Variants in CAMK1D observed in about 807,000 individuals in gnomAD.
The protein encoded by CAMK1D is calcium/calmodulin dependent protein kinase ID, also known as calcium/calmodulin-dependent protein kinase type 1D.
CAMK1D carries 9 observed loss-of-function variants against 47.7 expected under a neutral mutation model. The observed-to-expected ratio is 0.19, with a 90% CI of 0.11 to 0.33. The LOEUF (loss-of-function observed/expected upper bound fraction) is 0.33. Ranked by LOEUF, CAMK1D falls within the 10% of genes least tolerant of loss-of-function variation. The probability of loss-of-function intolerance (pLI) is 1.00; values close to 1 mark genes in which losing one functional copy is unlikely to be tolerated. For synonymous variants in CAMK1D, 184 were observed against 184.9 expected (o/e 0.99, Z 0.04); for missense variants, 291 against 488.7 (o/e 0.60, Z 3.81).
intron 3 of CAMK1D, among the ~76,000 whole-genome samples, chr10:12,667,338 C>G (rs1840466174): frequency 6.6e-6 from 1 of 152,222 alleles, no homozygotes; most frequent in African/African-American, 2.4e-5. Context: ...TAATTGGTGT[C>G]AGACCATGAC....
chr10:12,799,188 G>A (rs570921423), intron 6 of CAMK1D, among the ~76,000 whole-genome samples: 2 of 152,196 alleles, frequency 1.3e-5, no homozygotes, highest in Non-Finnish European at 2.9e-5. Flanking sequence ...TGTGGTGCAC[G>A]GTGCCACCTT....
chr10:12,396,989 T>C (rs896443071), intron 1 of CAMK1D, among the ~76,000 whole-genome samples: 2 of 152,244 alleles, frequency 1.3e-5, no homozygotes, highest in African/African-American at 2.4e-5. Flanking sequence ...TCATCTCGAC[T>C]GGGCCCTGTC....
Position 12,378,532 on chromosome 10 carries a change from GC to G in CAMK1D, c.92+28626del, listed in dbSNP as rs1324425699. The stretch of plus-strand genomic sequence containing the variant: ...TTATAGGTACGAACCACTGTGACTG[GC>G]CCCTTAGTATTTTTTTTTTTTTTGA... On this transcript the variant is annotated intron_variant, in intron 1 of 10. Coordinates refer to ENST00000619168, the MANE Select transcript of CAMK1D (RefSeq NM_153498.4). Among the ~76,000 whole-genome samples the G allele has an allele frequency of 7.5e-5, 10 of 133,958 alleles. No individual in the cohort carries two copies. The Admixed American group carries it at 7.8e-4, about 11-fold the overall frequency. The allele number at this position is 133,958 out of a possible 152,430, so 87.9% of individuals were successfully genotyped here. A position where few individuals can be genotyped will look rare whatever the true frequency, so the allele number is the denominator to read the frequency against.
chr10:12,547,799 T>G (rs1836442938), intron 1 of CAMK1D, among the ~76,000 whole-genome samples: 1 of 152,216 alleles, frequency 6.6e-6, no homozygotes, highest in Non-Finnish European at 1.5e-5. Flanking sequence ...AGGGGAAGTG[T>G]CTTCAAGTGA....
chr10:12,693,811 A>C (rs1420858734), intron 3 of CAMK1D, among the ~76,000 whole-genome samples: 11 of 145,368 alleles, frequency 7.6e-5, no homozygotes, highest in Non-Finnish European at 1.3e-4. Context: ...TGAGCTCAGG[A>C]ATTGGAGGCT....
intron 3 of CAMK1D, among the ~76,000 whole-genome samples, chr10:12,734,570 GTATA>G (rs372727529): frequency 7.0e-6 from 1 of 143,870 alleles, no homozygotes; most frequent in African/African-American, 2.6e-5. Context: ...ACACATATGT[GTATA>G]TATATATATA....
intron 2 of CAMK1D, among the ~76,000 whole-genome samples, chr10:12,584,198 G>A (rs1264745471): frequency 6.6e-6 from 1 of 152,040 alleles, no homozygotes; most frequent in Non-Finnish European, 1.5e-5. Flanking sequence ...AGCTAACAAG[G>A]GTATATTGAT....
rs776485619 is a variant in CAMK1D at position 12,828,758 on chromosome 10, G to C, written c.1040-11G>C. The stretch of plus-strand genomic sequence containing the variant: ...TGAAACTCTGAAGCCCACTTCTGCT[G>C]TTCCCTGCAGGTCTGGCACCTTCCA... On this transcript the variant is annotated splice_polypyrimidine_tract_variant and intron_variant, in intron 10 of 10. Coordinates refer to ENST00000619168, the MANE Select transcript of CAMK1D (RefSeq NM_153498.4). 36 of 1,607,676 alleles carry C rather than the reference G, an allele frequency of 2.2e-5. No homozygotes were observed. The highest frequency in any genetic ancestry group is 4.0e-5 in the African/African-American group (3 of 74,798).
chr10:12,518,178 G>A (rs951167786), intron 1 of CAMK1D, among the ~76,000 whole-genome samples: 3 of 152,104 alleles, frequency 2.0e-5, no homozygotes, highest in Admixed American at 1.3e-4. Context: ...TTAGCAAACT[G>A]AAGCCCACAG....
At chr10:12,621,552 T>C (rs190255630) in intron 2 of CAMK1D, among the ~76,000 whole-genome samples, 10 of 152,382 alleles carry the variant, frequency 6.6e-5, no homozygotes, top group African/African-American at 2.2e-4. Flanking sequence ...TAAATATTGG[T>C]ATAAATGTTT....
intron 1 of CAMK1D, among the ~76,000 whole-genome samples, chr10:12,437,617 G>A (rs538316879): frequency 1.3e-5 from 2 of 152,270 alleles, no homozygotes; most frequent in South Asian, 2.1e-4. Context: ...ACATCCCCCA[G>A]CAGAGCGGGG....
intron 1 of CAMK1D, among the ~76,000 whole-genome samples, chr10:12,476,700 A>G (rs1255207330): frequency 6.6e-6 from 1 of 152,168 alleles, no homozygotes; most frequent in African/African-American, 2.4e-5. Flanking sequence ...ATAATTTGAT[A>G]TTAAATGTGA....
chr10:12,819,852 T>C (rs1832953359), intron 8 of CAMK1D, among the ~76,000 whole-genome samples: 1 of 151,878 alleles, frequency 6.6e-6, no homozygotes, highest in Non-Finnish European at 1.5e-5. Context: ...GTGGCAGGGA[T>C]GGAGTGGGGC....
chr10:12,684,001 TGTC>T (rs1832554651), intron 3 of CAMK1D, among the ~76,000 whole-genome samples: 1 of 152,152 alleles, frequency 6.6e-6, no homozygotes, highest in South Asian at 2.1e-4. Flanking sequence ...TGACATTTAA[TGTC>T]GTTAAAACAT....
At chr10:12,533,229 CAG>C (rs973730961) in intron 1 of CAMK1D, among the ~76,000 whole-genome samples, 1 of 152,154 alleles carries the variant, frequency 6.6e-6, no homozygotes, top group African/African-American at 2.4e-5. Flanking sequence ...AAAATTAAAA[CAG>C]TGTTAAAAGA....
chr10:12,738,421 G>C (rs1428860496), intron 3 of CAMK1D, among the ~76,000 whole-genome samples: 2 of 152,204 alleles, frequency 1.3e-5, no homozygotes, highest in African/African-American at 4.8e-5. Context: ...TCCAGTGCTA[G>C]AATTCTTTTT....
At chr10:12,824,675 G>C (rs1202792273) in intron 9 of CAMK1D, 123 bp downstream of exon 9, 2 of 718,862 alleles carry the variant, frequency 2.8e-6, no homozygotes, top group East Asian at 5.5e-5. Context: ...TTAACTGCAA[G>C]TAATAAAGAC....
intron 1 of CAMK1D, among the ~76,000 whole-genome samples, chr10:12,412,928 C>A (rs1028338111): frequency 6.6e-6 from 1 of 152,154 alleles, no homozygotes; most frequent in Non-Finnish European, 1.5e-5. Flanking sequence ...CGTTTTGCCA[C>A]TTGTCTTGTG....
chr10:12,696,427 C>A (rs997080529), intron 3 of CAMK1D, among the ~76,000 whole-genome samples: 5 of 152,098 alleles, frequency 3.3e-5, no homozygotes, highest in African/African-American at 1.2e-4. Context: ...ATCCCAGCTA[C>A]TCAGGAGCCT....
Sources: allele counts gnomAD v4.1 joint callset (sites outside exome capture counted in the v4.1 genomes callset), GRCh38; gene constraint gnomAD v4.1.1; transcripts MANE v1.5; gene names NCBI Gene and HGNC (gene_info 2026-07-23, HGNC 2026-07-21).